The following FBN1 variants were observed in gnomAD, a reference collection of about 807,000 sequenced individuals.
FBN1 encodes the protein fibrillin-1.
Under a neutral mutation model 365.1 loss-of-function variants are expected in FBN1, and 29 were observed. That is an observed-to-expected ratio of 0.08 (90% CI 0.06 to 0.11). The LOEUF is 0.11. FBN1 is among the 10% of genes least tolerant of loss of function. The pLI, the probability that FBN1 is intolerant of heterozygous loss-of-function variation, is 1.00. For synonymous variants in FBN1, 1,210 were observed against 1,270.5 expected (o/e 0.95, Z 1.01); for missense variants, 2,476 against 3,703.2 (o/e 0.67, Z 8.60).
chr15:48,430,597 C>G (rs1265704224), intron 56 of FBN1, 74 bp downstream of exon 56: 2 of 1,576,952 alleles, frequency 1.3e-6, no homozygotes, highest in African/African-American at 2.7e-5. Flanking sequence ...ATCCCAAGAA[C>G]TCAGAGCCCA....
At chr15:48,484,711 T>A (rs1239454613) in intron 30 of FBN1, among the ~76,000 whole-genome samples, 1 of 152,158 alleles carries the variant, frequency 6.6e-6, no homozygotes, top group Non-Finnish European at 1.5e-5. Flanking sequence ...ATATCTAGAT[T>A]TTTTAAGGGA....
chr15:48,439,533 T>C (rs1010689405), intron 50 of FBN1, among the ~76,000 whole-genome samples: 1 of 152,252 alleles, frequency 6.6e-6, no homozygotes, highest in Non-Finnish European at 1.5e-5. Context: ...TTGTTTTTGT[T>C]ATTTATGCCT....
intron 9 of FBN1, among the ~76,000 whole-genome samples, chr15:48,524,102 T>C (rs1461582977): frequency 6.6e-6 from 1 of 152,126 alleles, no homozygotes; most frequent in Non-Finnish European, 1.5e-5. Context: ...AAAGGACATC[T>C]TTATGACTCC....
chr15:48,535,646 A>G (rs926254737), intron 7 of FBN1, among the ~76,000 whole-genome samples: 1 of 152,250 alleles, frequency 6.6e-6, no homozygotes, highest in Non-Finnish European at 1.5e-5. Flanking sequence ...TGCTGTTTAT[A>G]AGATCTCAAC....
Position 48,445,770 on chromosome 15 carries a change from T to C in FBN1, c.5789-266A>G, listed in dbSNP as rs947075361. On this transcript the variant is annotated intron_variant, in intron 47 of 65. Transcript: ENST00000316623. ...TTTCCTATCAGTTTTTCCTTGATTT[T>C]CCTTTAGATTTTATTTTTAAATTTT... Among the ~76,000 whole-genome samples the C allele has an allele frequency of 2.0e-5, 3 of 152,080 alleles. No homozygotes were observed. In the South Asian group the frequency reaches 6.2e-4, roughly 31 times the overall value.
rs142888621 is a variant in FBN1 at position 48,526,216 on chromosome 15, C to G, written c.902G>C (p.Gly301Ala). 1.9e-6 allele frequency: 3 copies of G among 1,614,022 alleles called. No individual in the cohort carries two copies. Among genetic ancestry groups the G allele is most frequent in the Non-Finnish European group, 2.5e-6 (3 of 1,179,938 alleles). The change falls in exon 9 of 66, where the codon GGG (glycine) becomes GCG (alanine). Residue 301 changes from glycine to alanine, a missense_variant. Physicochemically the swap from Gly to Ala is moderately conservative, Grantham distance 60. Transcript: ENST00000316623. ...GCTGACTGTGTTTGTACATTCACCCCCTTCACAGATTCCAGGAATGGTGCT... is the reference window on the plus strand; with the variant it reads ...GCTGACTGTGTTTGTACATTCACCCGCTTCACAGATTCCAGGAATGGTGCT... The part of the protein sequence containing the change: ...ECSTIPGICE[G>A]GECTNTVSSY...
intron 6 of FBN1, among the ~76,000 whole-genome samples, chr15:48,543,404 C>A (rs1426763298): frequency 6.6e-6 from 1 of 152,172 alleles, no homozygotes; most frequent in Non-Finnish European, 1.5e-5. Flanking sequence ...TTGATTCATT[C>A]CAGAATTGCA....
chr15:48,581,244 TTTCCAGTA>T (rs1300188059), intron 6 of FBN1, among the ~76,000 whole-genome samples: 1 of 152,172 alleles, frequency 6.6e-6, no homozygotes, highest in Non-Finnish European at 1.5e-5. Context: ...TAATTCTAAA[TTTCCAGTA>T]GTTTTTATAT....
intron 2 of FBN1, among the ~76,000 whole-genome samples, chr15:48,636,255 CTATGCTGCTCTAAAGACCATGTAGA>C (rs1890088420): frequency 6.6e-6 from 1 of 152,192 alleles, no homozygotes; most frequent in Non-Finnish European, 1.5e-5. Flanking sequence ...AAAAGTCTGG[CTATGCTGCTCTAAAGACCATGTAGA>C]GAGGCCACGT....
At chr15:48,411,659 C>G (rs1282443295) in intron 65 of FBN1, among the ~76,000 whole-genome samples, 2 of 152,230 alleles carry the variant, frequency 1.3e-5, no homozygotes, top group African/African-American at 4.8e-5. Flanking sequence ...TCAGCATCAC[C>G]TGGGAATCTG....
intron 2 of FBN1, among the ~76,000 whole-genome samples, chr15:48,625,092 T>G (rs1314461506): frequency 6.6e-6 from 1 of 152,190 alleles, no homozygotes; most frequent in African/African-American, 2.4e-5. Context: ...CAGGGTGATT[T>G]GATACTTGAG....
At chr15:48,598,910 T>C (rs655015) in intron 5 of FBN1, among the ~76,000 whole-genome samples, 13,704 of 152,208 alleles carry the variant, frequency 0.09, 652 homozygotes, top group Middle Eastern at 0.16. Flanking sequence ...TCCCATGCTG[T>C]TCCCATAACA....
intron 44 of FBN1, among the ~76,000 whole-genome samples, chr15:48,453,512 G>T (rs1001956319): frequency 6.6e-6 from 1 of 152,052 alleles, no homozygotes; most frequent in African/African-American, 2.4e-5. Context: ...GGGATACACA[G>T]GCAAAGCACA....
chr15:48,422,663 T>C (rs1355863740), intron 60 of FBN1, among the ~76,000 whole-genome samples: 1 of 152,230 alleles, frequency 6.6e-6, no homozygotes, highest in Non-Finnish European at 1.5e-5. Flanking sequence ...GCACTTTTAA[T>C]AAAACTGCCT....
intron 2 of FBN1, among the ~76,000 whole-genome samples, chr15:48,617,055 G>A (rs1458106353): frequency 6.6e-6 from 1 of 152,190 alleles, no homozygotes; most frequent in Non-Finnish European, 1.5e-5. Context: ...AGTGTACTTA[G>A]AGGACAAGAT....
intron 6 of FBN1, among the ~76,000 whole-genome samples, chr15:48,582,997 T>C (rs571069395): frequency 6.6e-6 from 1 of 152,242 alleles, no homozygotes; most frequent in Non-Finnish European, 1.5e-5. Context: ...TATAGAAAAA[T>C]GTACAGAGCT....
At chr15:48,420,932 T>G in intron 62 of FBN1, 126 bp from the exon 63 acceptor site, 1 of 1,071,856 alleles carries the variant, frequency 9.3e-7, no homozygotes, top group Non-Finnish European at 1.4e-6. Flanking sequence ...ACTTCAAGAA[T>G]CTCTCTTCTG....
At chr15:48,473,258 TA>T (rs950888700) in intron 34 of FBN1, among the ~76,000 whole-genome samples, 4 of 151,708 alleles carry the variant, frequency 2.6e-5, no homozygotes, top group Admixed American at 1.3e-4. Context: ...TTTCAGGGAA[TA>T]AAAAAAAATT....
chr15:48,575,357 ATG>A, intron 6 of FBN1, among the ~76,000 whole-genome samples: 1 of 152,038 alleles, frequency 6.6e-6, no homozygotes, highest in African/African-American at 2.4e-5. Context: ...GTATGTATGT[ATG>A]TATGTATTTA....
Sources: gnomAD v4.1 joint callset for allele counts (sites outside exome capture counted in the v4.1 genomes callset) on GRCh38, gnomAD v4.1.1 for gene constraint, MANE v1.5 for transcripts, NCBI Gene and HGNC (gene_info 2026-07-23, HGNC 2026-07-21) for gene names.